XIRP2: variants seen among roughly 807,000 people sequenced by gnomAD.
The protein encoded by XIRP2 is xin actin binding repeat containing 2.
XIRP2 carries 236 observed loss-of-function variants against 277.0 expected under a neutral mutation model. That is an observed-to-expected ratio of 0.85 (90% CI 0.77 to 0.95). XIRP2 has a LOEUF of 0.95. Among genes scored for constraint, XIRP2 ranks in the 40% least tolerant of loss-of-function variants. XIRP2 has a pLI of 0.00. For missense variants in XIRP2, 4,640 were observed against 4,157.5 expected, an observed-to-expected ratio of 1.12 and a Z score of -3.19; for synonymous variants, 1,490 against 1,416.5, an observed-to-expected ratio of 1.05 and a Z score of -1.17.
chr2:166,898,784 C>T (rs1011842119), intron 1 of XIRP2, among the ~76,000 whole-genome samples: 6 of 152,076 alleles, frequency 3.9e-5, no homozygotes, highest in Non-Finnish European at 8.8e-5. Flanking sequence ...CCAACACGTC[C>T]CATCCATTCA....
chr2:166,890,890 A>G (rs936624654), intron 1 of XIRP2, among the ~76,000 whole-genome samples: 5 of 152,194 alleles, frequency 3.3e-5, no homozygotes, highest in African/African-American at 1.2e-4. Context: ...TGGAAACAAA[A>G]GCTGCTTCAA....
At chr2:167,091,765 C>G (rs79783101) in intron 2 of XIRP2, among the ~76,000 whole-genome samples, 5,187 of 152,108 alleles carry the variant, frequency 0.034, 166 homozygotes, top group African/African-American at 0.077. Context: ...TTTTCTACTT[C>G]AAGATGGAAG....
At position 166,926,103 on chromosome 2, in the gene XIRP2, C is replaced by A. The variant is rs190714009; in HGVS notation, c.408+22213C>A. 1.2e-3 allele frequency among the ~76,000 whole-genome samples: 176 copies of A among 151,862 alleles called. 1 individual carries two copies. Among genetic ancestry groups the A allele is most frequent in the African/African-American group, 4.2e-3 (172 of 41,422 alleles). On this transcript the variant is annotated intron_variant, in intron 2 of 10. Coordinates refer to ENST00000409195, the MANE Select transcript of XIRP2 (RefSeq NM_152381.6). Reference sequence around the variant, plus strand: ...AGAAAAAAATCAGTTTTGTATCAACCCTGCACCTTTGACAATCAGGTATAT... The same window carrying A: ...AGAAAAAAATCAGTTTTGTATCAACACTGCACCTTTGACAATCAGGTATAT...
chr2:167,046,856 TACACCAA>T (rs1339533786), intron 2 of XIRP2, among the ~76,000 whole-genome samples: 2 of 151,808 alleles, frequency 1.3e-5, no homozygotes, highest in African/African-American at 4.8e-5. Flanking sequence ...AAATCATTTG[TACACCAA>T]ACACCAGCAA....
chr2:167,231,463 A>G (rs1341311628), intron 5 of XIRP2, among the ~76,000 whole-genome samples: 2 of 152,062 alleles, frequency 1.3e-5, no homozygotes. Flanking sequence ...TGTATTGTCA[A>G]AAATGAGTGG....
At chr2:166,982,027 A>G (rs1237562431) in intron 2 of XIRP2, among the ~76,000 whole-genome samples, 1 of 152,102 alleles carries the variant, frequency 6.6e-6, no homozygotes, top group Non-Finnish European at 1.5e-5. Flanking sequence ...TTCAGTGTAG[A>G]TCTGCTAGGC....
chr2:166,899,430 A>G (rs991505315), intron 1 of XIRP2, among the ~76,000 whole-genome samples: 3 of 152,096 alleles, frequency 2.0e-5, no homozygotes, highest in Non-Finnish European at 4.4e-5. Context: ...AATGTATACT[A>G]TTATTTCTTC....
At chr2:167,119,987 G>T (rs1485617746) in intron 2 of XIRP2, among the ~76,000 whole-genome samples, 1 of 152,060 alleles carries the variant, frequency 6.6e-6, no homozygotes, top group Non-Finnish European at 1.5e-5. Context: ...AATAGCTGTT[G>T]TGTTGTTCTT....
Position 167,250,900 on chromosome 2 carries a change from A to C in XIRP2, c.9508A>C (p.Thr3170Pro). The C allele has an allele frequency of 6.2e-7, 1 of 1,613,234 alleles. No homozygotes were observed. The highest frequency in any genetic ancestry group is 8.5e-7 in the Non-Finnish European group (1 of 1,179,638). Residue 3170 changes from threonine to proline, a missense_variant, in exon 9 of 11, where the codon ACT becomes CCT. Transcript: ENST00000409195. The stretch of plus-strand genomic sequence containing the variant: ...AAAATCTGAAATTCACAGAGCAAAC[A>C]CTTCCCCTTCTCCACCCAGGAGTCG... ...SQKSEIHRAN[T>P]SPSPPRSRSE...
chr2:167,082,308 G>A (rs1352513533), intron 2 of XIRP2, among the ~76,000 whole-genome samples: 1 of 152,162 alleles, frequency 6.6e-6, no homozygotes, highest in African/African-American at 2.4e-5. Context: ...GTATTGCATA[G>A]TGTATATGTG....
At chr2:167,182,427 T>C (rs142283760) in intron 3 of XIRP2, among the ~76,000 whole-genome samples, 1 of 152,214 alleles carries the variant, frequency 6.6e-6, no homozygotes, top group Non-Finnish European at 1.5e-5. Context: ...TTTGCTACCA[T>C]GCAGAGACAG....
chr2:167,045,767 A>G (rs1219343954), intron 2 of XIRP2, among the ~76,000 whole-genome samples: 2 of 152,042 alleles, frequency 1.3e-5, no homozygotes, highest in Non-Finnish European at 2.9e-5. Flanking sequence ...AGACTTATAC[A>G]CTGCTGGTAG....
intron 2 of XIRP2, among the ~76,000 whole-genome samples, chr2:166,933,329 T>A (rs1290937459): frequency 6.6e-6 from 1 of 151,814 alleles, no homozygotes; most frequent in Non-Finnish European, 1.5e-5. Context: ...TATGTTTTTT[T>A]AGTAGAGATG....
intron 3 of XIRP2, among the ~76,000 whole-genome samples, chr2:167,139,842 A>G (rs932119230): frequency 6.6e-6 from 1 of 152,226 alleles, no homozygotes; most frequent in Non-Finnish European, 1.5e-5. Flanking sequence ...ATTAAAAAGT[A>G]GCTAGTGCAA....
chr2:167,090,133 T>C (rs976704895), intron 2 of XIRP2, among the ~76,000 whole-genome samples: 1 of 152,122 alleles, frequency 6.6e-6, no homozygotes, highest in African/African-American at 2.4e-5. Context: ...ACTGAAGGCA[T>C]CTTGGGGGTC....
intron 2 of XIRP2, among the ~76,000 whole-genome samples, chr2:167,117,863 C>T (rs1304583185): frequency 6.6e-6 from 1 of 152,116 alleles, no homozygotes; most frequent in Non-Finnish European, 1.5e-5. Flanking sequence ...TTTTGTGTTA[C>T]TCTTTATTAA....
intron 2 of XIRP2, among the ~76,000 whole-genome samples, chr2:167,096,775 T>C (rs180916562): frequency 2.0e-5 from 3 of 152,294 alleles, no homozygotes; most frequent in African/African-American, 7.2e-5. Flanking sequence ...AAAGAACTCA[T>C]TTGTTTCTGC....
chr2:167,087,359 G>A (rs1452361998), intron 2 of XIRP2, among the ~76,000 whole-genome samples: 1 of 151,788 alleles, frequency 6.6e-6, no homozygotes, highest in East Asian at 2.0e-4. Context: ...TGTCAGACAG[G>A]GACATTTAAG....
At position 166,938,119 on chromosome 2, in the gene XIRP2, T is replaced by A. The variant is rs538377363; in HGVS notation, c.408+34229T>A. Among the ~76,000 whole-genome samples, 4 of 152,326 alleles carry A rather than the reference T, an allele frequency of 2.6e-5. No individual in the cohort carries two copies. In the South Asian group the frequency reaches 6.2e-4, roughly 24 times the overall value. On this transcript the variant is annotated intron_variant, in intron 2 of 10. Coordinates refer to ENST00000409195, the MANE Select transcript of XIRP2 (RefSeq NM_152381.6). ...TTCAGTTCTGCTCCGATCTTAGTTA[T>A]TTCTTGCCTTCTGCTAGCTTTTGAA... is the stretch of plus-strand genomic sequence containing the variant.
Sources: allele counts gnomAD v4.1 joint callset (sites outside exome capture counted in the v4.1 genomes callset), GRCh38; gene constraint gnomAD v4.1.1; transcripts MANE v1.5; gene names NCBI Gene and HGNC (gene_info 2026-07-23, HGNC 2026-07-21).